Variants in MPP7 observed in about 807,000 individuals in gnomAD.
MPP7 encodes the protein MAGUK p55 subfamily member 7.
In MPP7, 60 loss-of-function variants were observed where a neutral mutation model predicts 76.5. The observed-to-expected ratio is 0.78, with a 90% confidence interval of 0.64 to 0.97. MPP7 has a LOEUF of 0.97. Ranked by LOEUF, MPP7 falls within the 50% of genes least tolerant of loss-of-function variation. The pLI is 0.00. For missense variants in MPP7, 641 were observed against 694.0 expected, an observed-to-expected ratio of 0.92 and a Z score of 0.86; for synonymous variants, 237 against 244.5, an observed-to-expected ratio of 0.97 and a Z score of 0.29.
chr10:28,269,326 G>C (rs1484259835), intron 1 of MPP7, among the ~76,000 whole-genome samples: 3 of 152,052 alleles, frequency 2.0e-5, no homozygotes, highest in Admixed American at 2.0e-4. Flanking sequence ...ACAAACTGAG[G>C]TCGATTTTAA....
chr10:28,173,533 T>C (rs557783504), intron 3 of MPP7, among the ~76,000 whole-genome samples: 2 of 152,252 alleles, frequency 1.3e-5, no homozygotes, highest in African/African-American at 4.8e-5. Context: ...CCTTCCACTG[T>C]AAGTGGAAGC....
intron 2 of MPP7, among the ~76,000 whole-genome samples, chr10:28,313,672 A>T (rs1841302263): frequency 6.6e-6 from 1 of 152,084 alleles, no homozygotes; most frequent in South Asian, 2.1e-4. Flanking sequence ...GGCTCTAATT[A>T]TGCTCTGTAA....
intron 2 of MPP7, among the ~76,000 whole-genome samples, chr10:28,320,832 G>GT (rs5784052): frequency 0.13 from 19,535 of 148,626 alleles, 1,412 homozygotes; most frequent in Middle Eastern, 0.17. Flanking sequence ...TTTTTTGTTT[G>GT]TTTTTTTTTT....
chr10:28,120,683 A>C lies in MPP7; in HGVS notation c.616-15T>G. 1 of 1,607,362 alleles carries C rather than the reference A, an allele frequency of 6.2e-7. No individual in the cohort carries two copies. The highest frequency in any genetic ancestry group is 8.5e-7 in the Non-Finnish European group (1 of 1,174,458). On this transcript the variant is annotated splice_polypyrimidine_tract_variant and intron_variant, in intron 8 of 16. Coordinates refer to ENST00000683449, the MANE Select transcript of MPP7 (RefSeq NM_001318170.2). ...TGAGACTGAGCCTGGTAACAGATAAAACAAGGAGTTATAAGAAAACCAGAC... is the reference window on the plus strand; with the variant it reads ...TGAGACTGAGCCTGGTAACAGATAACACAAGGAGTTATAAGAAAACCAGAC...
chr10:28,159,242 C>G (rs1409811661), intron 3 of MPP7, among the ~76,000 whole-genome samples: 1 of 152,158 alleles, frequency 6.6e-6, no homozygotes, highest in Non-Finnish European at 1.5e-5. Context: ...TTGTCTAGAA[C>G]AGTATAGCCC....
intron 11 of MPP7, among the ~76,000 whole-genome samples, chr10:28,107,321 A>G (rs563461008): frequency 6.6e-6 from 1 of 152,284 alleles, no homozygotes; most frequent in East Asian, 1.9e-4. Context: ...ACCTTCTCTG[A>G]ATCACAGCAT....
chr10:28,274,101 CT>C (rs60127503), intron 1 of MPP7, among the ~76,000 whole-genome samples: 10,977 of 123,518 alleles, frequency 0.089, 231 homozygotes, highest in South Asian at 0.13. Context: ...AAATTTTTTT[CT>C]TTTTTTTTTT....
chr10:28,128,322 T>G (rs892960764), intron 6 of MPP7, among the ~76,000 whole-genome samples: 9 of 150,154 alleles, frequency 6.0e-5, no homozygotes, highest in African/African-American at 2.2e-4. Context: ...TTCTTATTGG[T>G]TGAGCATCCC....
intron 1 of MPP7, among the ~76,000 whole-genome samples, chr10:28,293,596 ACT>A (rs1244883262): frequency 1.3e-5 from 2 of 151,994 alleles, no homozygotes; most frequent in Non-Finnish European, 2.9e-5. Context: ...AAGGTGGGAG[ACT>A]CTACACGGAC....
chr10:28,282,634 C>T (rs1240605641), intron 1 of MPP7, among the ~76,000 whole-genome samples: 1 of 151,894 alleles, frequency 6.6e-6, no homozygotes, highest in African/African-American at 2.4e-5. Context: ...AAGACACTCC[C>T]ACAATTAAAG....
At chr10:28,333,813 G>A (rs895403509) in intron 1 of MPP7, among the ~76,000 whole-genome samples, 12 of 152,144 alleles carry the variant, frequency 7.9e-5, no homozygotes, top group African/African-American at 2.4e-4. Context: ...AAAAGCAGAG[G>A]TTTCCTCCCA....
intron 1 of MPP7, among the ~76,000 whole-genome samples, chr10:28,254,093 G>C (rs532511933): frequency 1.4e-5 from 2 of 142,998 alleles, no homozygotes; most frequent in Non-Finnish European, 3.0e-5. Context: ...TAATCTCCTT[G>C]AATTAACAAA....
intron 1 of MPP7, among the ~76,000 whole-genome samples, chr10:28,271,950 G>A (rs369136141): frequency 1.2e-4 from 19 of 152,260 alleles, no homozygotes; most frequent in East Asian, 9.7e-4. Flanking sequence ...ACTCCAGCCC[G>A]GGTGACAGAG....
chr10:28,331,894 T>A (rs920732635), intron 1 of MPP7, among the ~76,000 whole-genome samples: 2 of 152,182 alleles, frequency 1.3e-5, no homozygotes, highest in African/African-American at 4.8e-5. Context: ...ATTATCTTTA[T>A]ATAGAAATGA....
chr10:28,311,962 A>G (rs957181180), intron 2 of MPP7, among the ~76,000 whole-genome samples: 1 of 151,996 alleles, frequency 6.6e-6, no homozygotes, highest in African/African-American at 2.4e-5. Context: ...AAAAAGATCA[A>G]TTTTTTTTCT....
intron 2 of MPP7, among the ~76,000 whole-genome samples, chr10:28,317,949 T>C (rs1834337583): frequency 6.6e-6 from 1 of 152,216 alleles, no homozygotes; most frequent in African/African-American, 2.4e-5. Context: ...AAAATACAAA[T>C]GTGTGATGCT....
chr10:28,245,765 A>G (rs974968126), intron 1 of MPP7, among the ~76,000 whole-genome samples: 7 of 152,026 alleles, frequency 4.6e-5, no homozygotes, highest in Admixed American at 1.3e-4. Flanking sequence ...CATGAACAAA[A>G]TAACAACAGA....
chr10:28,118,599 C>CA, intron 11 of MPP7: 1 of 985,402 alleles, frequency 1.0e-6, no homozygotes, highest in Non-Finnish European at 1.2e-6. Context: ...GCAATATTCT[C>CA]ACGAAAGCTT....
intron 1 of MPP7, among the ~76,000 whole-genome samples, chr10:28,260,782 A>AAAAC (rs1424199463): frequency 5.3e-5 from 8 of 151,698 alleles, no homozygotes; most frequent in African/African-American, 1.9e-4. Context: ...AAAAAAAAAA[A>AAAAC]AAAAAAAAAA....
Sources: allele counts gnomAD v4.1 joint callset (sites outside exome capture counted in the v4.1 genomes callset), GRCh38; gene constraint gnomAD v4.1.1; transcripts MANE v1.5; gene names NCBI Gene and HGNC (gene_info 2026-07-23, HGNC 2026-07-21).